Variants in DOCK2 observed in about 807,000 individuals in gnomAD.
DOCK2 encodes dedicator of cytokinesis 2, also known as dedicator of cytokinesis protein 2.
Under a neutral mutation model 248.9 loss-of-function variants are expected in DOCK2, and 87 were observed. That is an observed-to-expected ratio of 0.35 (90% CI 0.29 to 0.42). The LOEUF (loss-of-function observed/expected upper bound fraction) is 0.42, where lower values mean the gene tolerates loss of function less well. Ranked by LOEUF, DOCK2 falls within the 10% of genes least tolerant of loss-of-function variation. The pLI is 1.00. For missense variants in DOCK2, 1,747 were observed against 2,300.2 expected, an observed-to-expected ratio of 0.76 and a Z score of 4.92; for synonymous variants, 805 against 821.6, an observed-to-expected ratio of 0.98 and a Z score of 0.35.
intron 27 of DOCK2, among the ~76,000 whole-genome samples, chr5:169,874,985 A>G (rs764006153): frequency 3.9e-5 from 6 of 151,976 alleles, no homozygotes; most frequent in Non-Finnish European, 8.8e-5. Context: ...TACCCAACAT[A>G]TATAATTAGG....
In DOCK2 at chr5:169,681,842, C is replaced by A. The variant is rs1561595156; in HGVS notation, c.569C>A (p.Ala190Glu). 1 of 1,613,850 alleles carries A rather than the reference C, an allele frequency of 6.2e-7. No homozygotes were observed. Among genetic ancestry groups the A allele is most frequent in the Non-Finnish European group, 8.5e-7 (1 of 1,179,876 alleles). The change falls in exon 7 of 52, where the codon GCA (alanine) becomes GAA (glutamate). Residue 190 changes from alanine to glutamate, a missense_variant. Ala to Glu is a moderately radical substitution (Grantham distance 107). Around this residue, in one of 4 missense-constraint regions of DOCK2, gnomAD observed 375 missense variants for 510.9 expected, o/e 0.73. Coordinates refer to ENST00000520908, the MANE Select transcript of DOCK2 (RefSeq NM_004946.3). ...AGCTTGTTCCATGCACATGAGGAAGCAACTGATAAAATCACAGAGCGTATC... is the reference window on the plus strand; with the variant it reads ...AGCTTGTTCCATGCACATGAGGAAGAAACTGATAAAATCACAGAGCGTATC... The part of the protein sequence containing the change: ...VISLFHAHEE[A>E]TDKITERIKE...
At position 169,887,599 on chromosome 5, in the gene DOCK2, T is replaced by C. The variant is rs143723048; in HGVS notation, c.2799+46747T>C. 7.9e-5 allele frequency among the ~76,000 whole-genome samples: 12 copies of C among 152,360 alleles called. No homozygotes were observed. In the South Asian group the frequency reaches 1.7e-3, roughly 21 times the overall value. On this transcript the variant is annotated intron_variant, in intron 27 of 51. Transcript: ENST00000520908. The stretch of plus-strand genomic sequence containing the variant: ...AGTAGGCTAACATGAATTTGTCTAG[T>C]TATACAATTATCTATTTAAATAGTA...
intron 8 of DOCK2, among the ~76,000 whole-genome samples, chr5:169,685,625 G>GT (rs1759922074): frequency 6.6e-6 from 1 of 152,182 alleles, no homozygotes; most frequent in African/African-American, 2.4e-5. Flanking sequence ...CTGGCTTGTT[G>GT]TTATGATGAT....
At chr5:170,078,891 C>T in intron 48 of DOCK2, 84 bp from the exon 49 acceptor site, 1 of 1,512,632 alleles carries the variant, frequency 6.6e-7, no homozygotes, top group Non-Finnish European at 9.0e-7. Context: ...GCCCAAAGGT[C>T]CCCTTCAGCT....
intron 27 of DOCK2, among the ~76,000 whole-genome samples, chr5:169,848,936 C>T (rs1265587927): frequency 6.6e-6 from 1 of 152,148 alleles, no homozygotes; most frequent in African/African-American, 2.4e-5. Flanking sequence ...CTTTTCACTC[C>T]TGGGACACCA....
At chr5:169,784,080 G>T (rs1765855716) in intron 25 of DOCK2, among the ~76,000 whole-genome samples, 1 of 151,902 alleles carries the variant, frequency 6.6e-6, no homozygotes, top group Admixed American at 6.6e-5. Context: ...TATATATTTT[G>T]GGCAGTCAGG....
chr5:169,652,033 T>C (rs1426799453), intron 1 of DOCK2, among the ~76,000 whole-genome samples: 1 of 152,202 alleles, frequency 6.6e-6, no homozygotes, highest in South Asian at 2.1e-4. Context: ...AAGTCGTGTA[T>C]GGGCATTAAT....
At position 169,671,106 on chromosome 5, in the gene DOCK2, A is replaced by C; in HGVS notation, c.253A>C (p.Ile85Leu). 1.2e-6 allele frequency: 2 copies of C among 1,614,038 alleles called. No homozygotes were observed. The highest frequency in any genetic ancestry group is 2.2e-5 in the South Asian group (2 of 91,074). The change falls in exon 5 of 52, where the codon ATT (isoleucine) becomes CTT (leucine). Residue 85 changes from isoleucine (I) to leucine (L), a missense_variant. Physicochemically the swap from Ile to Leu is conservative, Grantham distance 5. Transcript: ENST00000520908. Reference protein sequence around the residue: ...RNTENIIPAEIPLAQEVTTTL... With the variant: ...RNTENIIPAELPLAQEVTTTL... The stretch of plus-strand genomic sequence containing the variant: ...TACTGAGAACATCATTCCTGCAGAA[A>C]TTCCTCTGGCACAAGAAGTGACAAC...
chr5:170,059,772 G>A (rs894562176), intron 44 of DOCK2, among the ~76,000 whole-genome samples: 7 of 152,126 alleles, frequency 4.6e-5, no homozygotes, highest in South Asian at 2.1e-4. Flanking sequence ...GCAGACACCC[G>A]TAATGTCTAA....
At chr5:169,903,046 T>A (rs558676670) in intron 27 of DOCK2, among the ~76,000 whole-genome samples, 2 of 151,420 alleles carry the variant, frequency 1.3e-5, no homozygotes, top group Non-Finnish European at 2.9e-5. Context: ...TGCAGTGAGC[T>A]GAGATCACGC....
intron 27 of DOCK2, among the ~76,000 whole-genome samples, chr5:169,856,102 A>G (rs1276341003): frequency 1.3e-5 from 2 of 152,304 alleles, no homozygotes; most frequent in South Asian, 2.1e-4. Flanking sequence ...AACTGGCCCC[A>G]TGATCCAATC....
chr5:169,815,433 C>T lies in DOCK2; in HGVS notation c.2703+12227C>T, dbSNP rs1210864300. On this transcript the variant is annotated intron_variant, in intron 26 of 51. Transcript: ENST00000520908. The stretch of plus-strand genomic sequence containing the variant: ...AGAAGTTTGCCTACAGCCAAATGCA[C>T]GATGGCCTCACACACTCCCTCCTTC... 5.3e-5 allele frequency among the ~76,000 whole-genome samples: 8 copies of T among 152,128 alleles called. No individual in the cohort carries two copies. The South Asian group carries it at 1.2e-3, about 24-fold the overall frequency.
At chr5:169,821,424 G>A (rs1418538205) in intron 26 of DOCK2, among the ~76,000 whole-genome samples, 2 of 152,066 alleles carry the variant, frequency 1.3e-5, no homozygotes, top group Admixed American at 6.6e-5. Flanking sequence ...CTGATCTCTC[G>A]GCAGAAACTC....
At chr5:170,057,753 AGGAGACAT>A in intron 44 of DOCK2, 87 bp downstream of exon 44, 1 of 1,212,054 alleles carries the variant, frequency 8.3e-7, no homozygotes, top group Non-Finnish European at 1.1e-6. Flanking sequence ...GACTTTAAAA[AGGAGACAT>A]GTTTTTCTTT....
chr5:169,887,990 C>T (rs1442742848), intron 27 of DOCK2, among the ~76,000 whole-genome samples: 1 of 152,140 alleles, frequency 6.6e-6, no homozygotes, highest in Non-Finnish European at 1.5e-5. Flanking sequence ...TATGAGTGGA[C>T]ATTTTTTCAC....
At chr5:169,945,379 A>C (rs1776404900) in intron 27 of DOCK2, among the ~76,000 whole-genome samples, 1 of 152,260 alleles carries the variant, frequency 6.6e-6, no homozygotes, top group South Asian at 2.1e-4. Context: ...ACTGGAACAA[A>C]TTTGAACTCT....
chr5:169,908,514 A>C (rs1774414002), intron 27 of DOCK2, among the ~76,000 whole-genome samples: 1 of 152,118 alleles, frequency 6.6e-6, no homozygotes, highest in African/African-American at 2.4e-5. Context: ...AAATGAACAC[A>C]AATAGGTTCC....
At chr5:169,809,147 C>T (rs1767585003) in intron 26 of DOCK2, among the ~76,000 whole-genome samples, 2 of 152,092 alleles carry the variant, frequency 1.3e-5, no homozygotes, top group South Asian at 4.1e-4. Context: ...CCAGCCACTG[C>T]TCCCAGCTAA....
At chr5:169,924,878 T>G (rs1748009087) in intron 27 of DOCK2, among the ~76,000 whole-genome samples, 1 of 152,204 alleles carries the variant, frequency 6.6e-6, no homozygotes. Flanking sequence ...GTGACTTCCC[T>G]GATAACTACT....
Sources: gnomAD v4.1 joint callset for allele counts (sites outside exome capture counted in the v4.1 genomes callset) on GRCh38, gnomAD v4.1.1 for gene constraint, gnomAD v4.1.1 regional missense constraint, MANE v1.5 for transcripts, NCBI Gene and HGNC (gene_info 2026-07-23, HGNC 2026-07-21) for gene names.